CDC25C: variants seen among roughly 807,000 people sequenced by gnomAD.
CDC25C encodes the protein M-phase inducer phosphatase 3.
In CDC25C, 48 loss-of-function variants were observed where a neutral mutation model predicts 52.5. The observed-to-expected ratio is 0.91, with a 90% CI of 0.72 to 1.16. The LOEUF (loss-of-function observed/expected upper bound fraction) is 1.16. Ranked by LOEUF, CDC25C falls within the 50% of genes most tolerant of loss-of-function variation. The probability of loss-of-function intolerance (pLI) is 0.00; values close to 1 mark genes in which losing one functional copy is unlikely to be tolerated. For missense variants in CDC25C, 510 were observed against 566.1 expected (o/e 0.90, Z 1.01); for synonymous variants, 187 against 206.5 (o/e 0.91, Z 0.81).
intron 7 of CDC25C, among the ~76,000 whole-genome samples, chr5:138,312,046 TAAC>T (rs1034588695): frequency 1.3e-5 from 2 of 152,172 alleles, no homozygotes; most frequent in African/African-American, 4.8e-5. Context: ...AATCAGGAAA[TAAC>T]AAGTGTTGGC....
chr5:138,327,550 C>T (rs367689381), intron 4 of CDC25C, among the ~76,000 whole-genome samples: 4 of 151,784 alleles, frequency 2.6e-5, no homozygotes, highest in African/African-American at 4.8e-5. Flanking sequence ...GCAGGAGAAT[C>T]GCTTGAACCC....
At chr5:138,323,477 G>A (rs955415697) in intron 6 of CDC25C, among the ~76,000 whole-genome samples, 9 of 151,466 alleles carry the variant, frequency 5.9e-5, no homozygotes, top group Middle Eastern at 6.8e-3. Flanking sequence ...TCTTTTTTTT[G>A]GTTGGGGGGT....
At chr5:138,337,979 G>A in exon 1 of CDC25C, 1 of 1,289,666 alleles carries the variant, frequency 7.8e-7, no homozygotes, top group Non-Finnish European at 1.0e-6. Flanking sequence ...GGCCTCCCCC[G>A]CGGGTTTCAA....
In CDC25C at chr5:138,286,539, A is replaced by G. The variant is rs2126637146; in HGVS notation, c.1118T>C (p.Ile373Thr). 1 of 1,614,010 alleles carries G rather than the reference A, an allele frequency of 6.2e-7. No homozygotes were observed. The highest frequency in any genetic ancestry group is 1.1e-5 in the South Asian group (1 of 91,076). ...TGAGGAGAATTCACAGTGGAACACG[A>G]TGATTATTCTCTTCTGGGTGTCCAA... ...VPLDTQKRII[I>T]VFHCEFSSER... is the part of the protein sequence containing the mutation. The change falls in exon 12 of 14, where the codon ATC becomes ACC. Residue 373 changes from isoleucine (I) to threonine (T), a missense_variant. Physicochemically the swap from Ile to Thr is moderately conservative, Grantham distance 89. Transcript: ENST00000323760.
At chr5:138,338,290 G>A (rs546376982) in exon 1 of CDC25C, 6 of 743,534 alleles carry the variant, frequency 8.1e-6, no homozygotes, top group East Asian at 6.5e-5. Context: ...CGCGGCCCTG[G>A]GAGCTGGAGG....
chr5:138,301,689 A>AC (rs1167441009), intron 7 of CDC25C, among the ~76,000 whole-genome samples: 2 of 128,980 alleles, frequency 1.6e-5, no homozygotes, highest in Non-Finnish European at 3.2e-5. Context: ...ATAGAGGTAC[A>AC]CAAAAAAAAA....
At chr5:138,338,304 C>A (rs116204410) in exon 1 of CDC25C, 24 of 601,206 alleles carry the variant, frequency 4.0e-5, no homozygotes, top group Admixed American at 1.4e-4. Context: ...CTGGAGGAAC[C>A]GCGGTAGGTG....
At chr5:138,332,644 T>G (rs1242380231), upstream of CDC25C, among the ~76,000 whole-genome samples, 2 of 151,878 alleles carry the variant, frequency 1.3e-5, no homozygotes, top group Non-Finnish European at 2.9e-5. Flanking sequence ...GGCGGGCAGA[T>G]TACATGAGGT....
In CDC25C at chr5:138,286,552, T is replaced by C; in HGVS notation, c.1105A>G (p.Lys369Glu). ...CAGTGGAACACGATGATTATTCTCT[T>C]CTGGGTGTCCAAAGGGACGATGGGC... ...KKPIVPLDTQ[K>E]RIIIVFHCEF... Residue 369 changes from lysine to glutamate, a missense_variant, in exon 12 of 14, where the codon AAG (lysine) becomes GAG (glutamate). Transcript: ENST00000323760. 1 of 1,614,086 alleles carries C rather than the reference T, an allele frequency of 6.2e-7. No individual in the cohort carries two copies. Among genetic ancestry groups the C allele is most frequent in the African/African-American group, 1.3e-5 (1 of 75,044 alleles).
intron 9 of CDC25C, among the ~76,000 whole-genome samples, chr5:138,290,323 A>G (rs930780643): frequency 6.6e-6 from 1 of 152,200 alleles, no homozygotes; most frequent in African/African-American, 2.4e-5. Flanking sequence ...CTGGTTAATA[A>G]AGTTTGGGAT....
intron 9 of CDC25C, among the ~76,000 whole-genome samples, chr5:138,290,396 T>A (rs1471901090): frequency 1.3e-5 from 2 of 152,232 alleles, no homozygotes; most frequent in African/African-American, 4.8e-5. Context: ...TTTTAAAATA[T>A]GTTTTTAAAC....
chr5:138,294,498 A>AT, intron 7 of CDC25C, among the ~76,000 whole-genome samples: 2 of 121,872 alleles, frequency 1.6e-5, no homozygotes, highest in African/African-American at 6.4e-5. Flanking sequence ...CCACTCAGCT[A>AT]ATTTTTTTTT....
chr5:138,305,671 G>C lies in CDC25C; in HGVS notation c.615+13548C>G, dbSNP rs141956227. Among the ~76,000 whole-genome samples the C allele has an allele frequency of 3.3e-3, 501 of 152,262 alleles. 1 individual carries two copies. The highest frequency in any genetic ancestry group is 0.012 in the African/African-American group (481 of 41,550). On this transcript the variant is annotated intron_variant, in intron 7 of 13. Transcript: ENST00000323760. ...CTGCCTCAGACTCCCAAAATGTTGGGATTACAAGTGTGAGCCACCACACCC... is the reference window on the plus strand; with the variant it reads ...CTGCCTCAGACTCCCAAAATGTTGGCATTACAAGTGTGAGCCACCACACCC...
At chr5:138,289,355 A>T in intron 10 of CDC25C, 146 bp downstream of exon 10, 1 of 595,742 alleles carries the variant, frequency 1.7e-6, no homozygotes, top group South Asian at 2.3e-5. Context: ...GAAAAAAATG[A>T]GTCCTTCAAT....
At chr5:138,315,388 T>C (rs1758800146) in intron 7 of CDC25C, among the ~76,000 whole-genome samples, 1 of 152,164 alleles carries the variant, frequency 6.6e-6, no homozygotes, top group Non-Finnish European at 1.5e-5. Flanking sequence ...ATTTTAGGCA[T>C]CCACTGGGGG....
At chr5:138,301,607 A>G (rs1337508235) in intron 7 of CDC25C, among the ~76,000 whole-genome samples, 2 of 151,818 alleles carry the variant, frequency 1.3e-5, no homozygotes, top group Non-Finnish European at 2.9e-5. Flanking sequence ...TGATGCTAGC[A>G]TTACACTGAT....
intron 3 of CDC25C, 45 bp from the exon 4 acceptor site, chr5:138,328,574 C>T (rs1391305390): frequency 1.3e-6 from 2 of 1,492,828 alleles, no homozygotes; most frequent in African/African-American, 2.7e-5. Flanking sequence ...TATTCTTGTC[C>T]ATGCATCCTG....
intron 7 of CDC25C, among the ~76,000 whole-genome samples, chr5:138,309,531 T>C (rs1462611086): frequency 6.6e-6 from 1 of 151,866 alleles, no homozygotes; most frequent in African/African-American, 2.4e-5. Context: ...CACTCCAGCC[T>C]GGGCAACAAG....
intron 6 of CDC25C, among the ~76,000 whole-genome samples, chr5:138,322,304 AATT>A (rs1759480649): frequency 7.8e-6 from 1 of 127,706 alleles, no homozygotes; most frequent in Non-Finnish European, 1.7e-5. Flanking sequence ...CCCGGCCTAT[AATT>A]ATTATTATTT....
Sources: allele counts gnomAD v4.1 joint callset (sites outside exome capture counted in the v4.1 genomes callset), GRCh38; gene constraint gnomAD v4.1.1; transcripts MANE v1.5; gene names NCBI Gene and HGNC (gene_info 2026-07-23, HGNC 2026-07-21).